Variants in BHMT2 observed in about 807,000 individuals in gnomAD.
BHMT2 encodes the protein betaine--homocysteine S-methyltransferase 2, also known as S-methylmethionine--homocysteine S-methyltransferase BHMT2.
Under a neutral mutation model 39.0 loss-of-function variants are expected in BHMT2, and 28 were observed. The observed-to-expected ratio is 0.72, with a 90% CI of 0.53 to 0.98. BHMT2 has a LOEUF of 0.98. Ranked by LOEUF, BHMT2 falls within the 50% of genes least tolerant of loss-of-function variation. The pLI, the probability that BHMT2 is intolerant of heterozygous loss-of-function variation, is 0.00. For missense variants in BHMT2, 410 were observed against 455.6 expected, an observed-to-expected ratio of 0.90 and a Z score of 0.91; for synonymous variants, 145 against 160.6, an observed-to-expected ratio of 0.90 and a Z score of 0.74.
At chr5:79,080,275 C>G (rs780643496) in intron 3 of BHMT2, among the ~76,000 whole-genome samples, 2 of 152,086 alleles carry the variant, frequency 1.3e-5, no homozygotes, top group African/African-American at 2.4e-5. Context: ...TAAGTAAGAC[C>G]AAGGATGTGA....
At chr5:79,075,653 G>A (rs1755658049) in intron 1 of BHMT2, among the ~76,000 whole-genome samples, 1 of 152,186 alleles carries the variant, frequency 6.6e-6, no homozygotes, top group South Asian at 2.1e-4. Flanking sequence ...GTTGGGAGGA[G>A]TGGGTGGTTT....
chr5:79,085,616 A>T (rs11739520), intron 7 of BHMT2, among the ~76,000 whole-genome samples: 5,249 of 152,302 alleles, frequency 0.034, 134 homozygotes, highest in Non-Finnish European at 0.059. Flanking sequence ...AGTGGGGTGG[A>T]GGTTGCAGTG....
In BHMT2 at chr5:79,083,220, C is replaced by A; in HGVS notation, c.627C>A (p.Arg209=). Reference sequence around the variant, plus strand: ...CTTCCATCGTTGGCGTGAACTGCCGCTTTGGGCCCGACACCAGCTTGAAGA... The same window carrying A: ...CTTCCATCGTTGGCGTGAACTGCCGATTTGGGCCCGACACCAGCTTGAAGA... The part of the protein sequence containing the change: ...AGASIVGVNC[R]FGPDTSLKTM... Residue 209 remains arginine, a synonymous_variant, in exon 6 of 8, where the codon CGC becomes CGA. Transcript: ENST00000255192. The A allele has an allele frequency of 6.2e-7, 1 of 1,614,120 alleles. No homozygotes were observed. Among genetic ancestry groups the A allele is most frequent in the Non-Finnish European group, 8.5e-7 (1 of 1,180,040 alleles).
intron 1 of BHMT2, among the ~76,000 whole-genome samples, chr5:79,072,227 A>G (rs1200804249): frequency 2.0e-5 from 3 of 152,044 alleles, no homozygotes; most frequent in Admixed American, 1.3e-4. Flanking sequence ...AGATCGCGCT[A>G]CTGCACTCCA....
intron 1 of BHMT2, among the ~76,000 whole-genome samples, chr5:79,072,247 A>G (rs1342995089): frequency 6.6e-6 from 1 of 152,004 alleles, no homozygotes; most frequent in Non-Finnish European, 1.5e-5. Flanking sequence ...AGCCTGGGCG[A>G]CAAGAGTGAA....
chr5:79,087,937 T>C (rs1043780898), intron 7 of BHMT2, among the ~76,000 whole-genome samples: 1 of 152,214 alleles, frequency 6.6e-6, no homozygotes, highest in Non-Finnish European at 1.5e-5. Context: ...CCCAGTACTT[T>C]GGGAGGCCAA....
intron 1 of BHMT2, among the ~76,000 whole-genome samples, chr5:79,074,783 C>T (rs1454396112): frequency 6.6e-6 from 1 of 152,204 alleles, no homozygotes; most frequent in Non-Finnish European, 1.5e-5. Context: ...ACTGATGATA[C>T]TTCCTGGCTT....
chr5:79,072,904 C>G (rs1341039349), intron 1 of BHMT2, among the ~76,000 whole-genome samples: 1 of 151,470 alleles, frequency 6.6e-6, no homozygotes. Context: ...AGAAGCTAAC[C>G]TACAACATCT....
chr5:79,086,563 T>C (rs1398588610), intron 7 of BHMT2, among the ~76,000 whole-genome samples: 1 of 152,208 alleles, frequency 6.6e-6, no homozygotes, highest in Non-Finnish European at 1.5e-5. Context: ...CAAAGTAGTA[T>C]GCATGGGACC....
chr5:79,076,689 CTG>C (rs536433419), intron 1 of BHMT2, among the ~76,000 whole-genome samples: 868 of 43,622 alleles, frequency 0.02, 8 homozygotes, highest in African/African-American at 0.095. Flanking sequence ...AGAATAAAAA[CTG>C]TGTCCTGCCT....
chr5:79,088,303 G>A (rs539862060), intron 7 of BHMT2, among the ~76,000 whole-genome samples, 190 bp from the exon 8 acceptor site: 73 of 151,758 alleles, frequency 4.8e-4, no homozygotes, highest in African/African-American at 1.5e-3. Flanking sequence ...ACAGTTTTCC[G>A]TCTGTATGTT....
At position 79,082,794 on chromosome 5, in the gene BHMT2, T is replaced by G. The variant is rs891367942; in HGVS notation, c.451-15T>G. ...TTTATGTTTGGACCAGTAGAAAAAGTGACATTTCTCTTAGTATTTTGAGCA... is the reference window on the plus strand; with the variant it reads ...TTTATGTTTGGACCAGTAGAAAAAGGGACATTTCTCTTAGTATTTTGAGCA... On this transcript the variant is annotated splice_polypyrimidine_tract_variant and intron_variant, in intron 4 of 7. Transcript: ENST00000255192. 4 of 1,612,552 alleles carry G rather than the reference T, an allele frequency of 2.5e-6. No homozygotes were observed. Among genetic ancestry groups the G allele is most frequent in the Non-Finnish European group, 3.4e-6 (4 of 1,179,340 alleles).
chr5:79,088,897 T>C lies in BHMT2; in HGVS notation c.*323T>C. On this transcript the variant is annotated 3_prime_UTR_variant, in exon 8 of 8. Transcript: ENST00000255192. The stretch of plus-strand genomic sequence containing the variant: ...GAATAGCCAAACTTGTCTTTGAGGG[T>C]GAATTTGACACTTTAAAATAATCAG... 5.0e-6 allele frequency: 1 copy of C among 199,084 alleles called. No individual in the cohort carries two copies. Among genetic ancestry groups the C allele is most frequent in the Non-Finnish European group, 1.0e-5 (1 of 98,588 alleles). 12.3% of individuals were successfully genotyped at this position (199,084 alleles called of 1,614,324 possible).
chr5:79,087,462 A>G (rs1240195630), intron 7 of BHMT2, among the ~76,000 whole-genome samples: 2 of 152,182 alleles, frequency 1.3e-5, no homozygotes, highest in Non-Finnish European at 2.9e-5. Flanking sequence ...TTCATTAGCT[A>G]TTAGAATTAA....
intron 2 of BHMT2, chr5:79,078,034 C>G (rs1319535644): frequency 6.5e-6 from 1 of 153,276 alleles, no homozygotes; most frequent in Non-Finnish European, 1.5e-5. Flanking sequence ...AAATAGACAT[C>G]TTAATATTTG....
chr5:79,081,510 C>A (rs1017079906), intron 4 of BHMT2, among the ~76,000 whole-genome samples: 5 of 152,316 alleles, frequency 3.3e-5, no homozygotes, highest in African/African-American at 4.8e-5. Flanking sequence ...CATTTCCCAA[C>A]ATAACTGCTA....
Position 79,083,694 on chromosome 5 carries a change from G to T in BHMT2, c.848G>T (p.Gly283Val), listed in dbSNP as rs1407696167. The change falls in exon 7 of 8, where the codon GGG becomes GTG. Residue 283 changes from glycine (G) to valine (V), a missense_variant. Gly to Val is a moderately radical substitution (Grantham distance 109). Transcript: ENST00000255192. Reference protein sequence around the residue: ...QKYAREAYNLGVRYIGGCCGF... With the variant: ...QKYAREAYNLVVRYIGGCCGF... ...TACGCCAGAGAGGCCTACAACCTGG[G>T]GGTCAGGTACATTGGCGGGTGCTGT... The T allele has an allele frequency of 6.2e-7, 1 of 1,614,064 alleles. No homozygotes were observed. Among genetic ancestry groups the T allele is most frequent in the East Asian group, 2.2e-5 (1 of 44,876 alleles).
intron 6 of BHMT2, 36 bp downstream of exon 6, chr5:79,083,410 C>G: frequency 1.3e-6 from 2 of 1,544,638 alleles, no homozygotes; most frequent in Non-Finnish European, 1.7e-6. Flanking sequence ...CCTTGTATTT[C>G]TCGTGACAAA....
At chr5:79,080,420 CA>C (rs2112699610) in intron 3 of BHMT2, among the ~76,000 whole-genome samples, 1 of 152,274 alleles carries the variant, frequency 6.6e-6, no homozygotes, top group African/African-American at 2.4e-5. Flanking sequence ...AAAGTTGATA[CA>C]AAGGCATAGA....
Sources: allele counts gnomAD v4.1 joint callset (sites outside exome capture counted in the v4.1 genomes callset), GRCh38; gene constraint gnomAD v4.1.1; transcripts MANE v1.5; gene names NCBI Gene and HGNC (gene_info 2026-07-23, HGNC 2026-07-21).